The following ESYT3 variants were observed in gnomAD, a reference collection of about 807,000 sequenced individuals.
ESYT3 encodes the protein extended synaptotagmin-3.
Under a neutral mutation model 111.5 loss-of-function variants are expected in ESYT3, and 101 were observed. The observed-to-expected ratio is 0.91, with a 90% CI of 0.77 to 1.07. The LOEUF (loss-of-function observed/expected upper bound fraction) is 1.07. ESYT3 is among the 50% of genes least tolerant of loss of function. ESYT3 has a pLI of 0.00. For synonymous variants in ESYT3, 416 were observed against 446.8 expected, an observed-to-expected ratio of 0.93 and a Z score of 0.87; for missense variants, 1,097 against 1,109.4, an observed-to-expected ratio of 0.99 and a Z score of 0.16.
chr3:138,476,289 T>G lies in ESYT3; in HGVS notation c.2535T>G (p.Ser845Arg). 1 of 1,613,982 alleles carries G rather than the reference T, an allele frequency of 6.2e-7. No homozygotes were observed. Among genetic ancestry groups the G allele is most frequent in the Non-Finnish European group, 8.5e-7 (1 of 1,179,888 alleles). Reference sequence around the variant, plus strand: ...CACTAGATGTTGCAGTGAAAAATAGTAGGCCACTTGGCTCACACAGAAGAA... The same window carrying G: ...CACTAGATGTTGCAGTGAAAAATAGGAGGCCACTTGGCTCACACAGAAGAA... ...KRSLDVAVKN[S>R]RPLGSHRRKE... Residue 845 changes from serine to arginine, a missense_variant, in exon 21 of 23, where the codon AGT becomes AGG. Ser to Arg is a moderately radical substitution (Grantham distance 110, BLOSUM62 -1). Coordinates refer to ENST00000389567, the MANE Select transcript of ESYT3 (RefSeq NM_031913.5).
intron 2 of ESYT3, among the ~76,000 whole-genome samples, chr3:138,454,744 G>C (rs192804270): frequency 6.6e-6 from 1 of 152,288 alleles, no homozygotes; most frequent in Admixed American, 6.5e-5. Context: ...ATCGGGCAAA[G>C]GCTGCCTTTT....
At position 138,435,537 on chromosome 3, in the gene ESYT3, G is replaced by A. The variant is rs2030597290; in HGVS notation, c.327+412G>A. ...AACGCCGGACGCAAAACGTAGATGG[G>A]CAAATACCGCAGTGACAGAAACGGC... On this transcript the variant is annotated intron_variant, in intron 1 of 22. Coordinates refer to ENST00000389567, the MANE Select transcript of ESYT3 (RefSeq NM_031913.5). This position sits in a 1 kb window ranked among gnomAD's most constrained non-coding sequence, Gnocchi z 4.8. Among the ~76,000 whole-genome samples, 1 of 152,236 alleles carries A rather than the reference G, an allele frequency of 6.6e-6. No homozygotes were observed. The highest frequency in any genetic ancestry group is 1.5e-5 in the Non-Finnish European group (1 of 68,044).
intron 3 of ESYT3, among the ~76,000 whole-genome samples, chr3:138,456,990 C>T (rs2032314017): frequency 6.6e-6 from 1 of 152,108 alleles, no homozygotes; most frequent in South Asian, 2.1e-4. Context: ...TCCTGGCCAC[C>T]CCCCTCCCTC....
At chr3:138,458,807 AG>A (rs1452813796) in intron 4 of ESYT3, among the ~76,000 whole-genome samples, 1 of 152,156 alleles carries the variant, frequency 6.6e-6, no homozygotes, top group Non-Finnish European at 1.5e-5. Context: ...GAGATGGGAC[AG>A]GGGGACAGCA....
Position 138,435,093 on chromosome 3 carries a change from C to A in ESYT3, c.295C>A (p.Arg99Ser). 6.3e-7 allele frequency: 1 copy of A among 1,589,754 alleles called. No homozygotes were observed. Among genetic ancestry groups the A allele is most frequent in the Non-Finnish European group, 8.5e-7 (1 of 1,170,666 alleles). Reference protein sequence around the residue: ...FLDNEREFISRELRGQHLPAW... With the variant: ...FLDNEREFISSELRGQHLPAW... Reference sequence around the variant, plus strand: ...TGACAATGAACGCGAGTTCATCAGCCGCGAGCTGCGGGGCCAGCACCTGCC... The same window carrying A: ...TGACAATGAACGCGAGTTCATCAGCAGCGAGCTGCGGGGCCAGCACCTGCC... The change falls in exon 1 of 23, where the codon CGC becomes AGC. Residue 99 changes from arginine (R) to serine (S), a missense_variant. Arg to Ser is a moderately radical substitution (Grantham distance 110, BLOSUM62 -1). Coordinates refer to ENST00000389567, the MANE Select transcript of ESYT3 (RefSeq NM_031913.5). The surrounding 1 kb of genome is among the most constrained non-coding windows in gnomAD (Gnocchi z 4.8).
rs2033525511 is a variant in ESYT3 at position 138,477,204 on chromosome 3, A to C, written c.*350A>C. 1.1e-5 allele frequency: 2 copies of C among 181,424 alleles called. No homozygotes were observed. The highest frequency in any genetic ancestry group is 2.3e-5 in the Non-Finnish European group (2 of 87,342). The allele number at this position is 181,424 out of a possible 1,614,324, so 11.2% of individuals were successfully genotyped here. A position where few individuals can be genotyped will look rare whatever the true frequency, so the allele number is the denominator to read the frequency against. On this transcript the variant is annotated 3_prime_UTR_variant, in exon 23 of 23. Coordinates refer to ENST00000389567, the MANE Select transcript of ESYT3 (RefSeq NM_031913.5). The stretch of plus-strand genomic sequence containing the variant: ...TTATATACCATCTGATTTAGGACTT[A>C]CCTGAATGTATGTACCAGAAAGTGT...
At chr3:138,442,219 C>G (rs1464066075) in intron 1 of ESYT3, among the ~76,000 whole-genome samples, 7 of 151,998 alleles carry the variant, frequency 4.6e-5, no homozygotes, top group African/African-American at 1.7e-4. Context: ...AATCCCTCCA[C>G]CCAGAGATAC....
intron 6 of ESYT3, among the ~76,000 whole-genome samples, 177 bp from the exon 7 acceptor site, chr3:138,460,434 G>C (rs1288095840): frequency 1.3e-5 from 2 of 152,176 alleles, no homozygotes; most frequent in African/African-American, 4.8e-5. Context: ...AGCTGGGCTG[G>C]GGGGTGGCCT....
chr3:138,476,282 A>C lies in ESYT3; in HGVS notation c.2528A>C (p.Lys843Thr). 1 of 1,614,114 alleles carries C rather than the reference A, an allele frequency of 6.2e-7. No homozygotes were observed. Among genetic ancestry groups the C allele is most frequent in the Non-Finnish European group, 8.5e-7 (1 of 1,179,990 alleles). The stretch of plus-strand genomic sequence containing the variant: ...AAGAGGTCACTAGATGTTGCAGTGA[A>C]AAATAGTAGGCCACTTGGCTCACAC... ...VKKRSLDVAV[K>T]NSRPLGSHRR... Residue 843 changes from lysine to threonine, a missense_variant, in exon 21 of 23, where the codon AAA becomes ACA. Physicochemically the swap from Lys to Thr is moderately conservative, Grantham distance 78. Coordinates refer to ENST00000389567, the MANE Select transcript of ESYT3 (RefSeq NM_031913.5).
intron 2 of ESYT3, 53 bp downstream of exon 2, chr3:138,452,142 C>G: frequency 1.9e-6 from 3 of 1,574,156 alleles, no homozygotes; most frequent in South Asian, 1.1e-5. Context: ...GCCTCGTCCT[C>G]CCCGCGGCTG....
At chr3:138,445,552 T>C (rs766816512) in intron 1 of ESYT3, among the ~76,000 whole-genome samples, 46 of 152,248 alleles carry the variant, frequency 3.0e-4, no homozygotes, top group Non-Finnish European at 5.7e-4. Flanking sequence ...CCTCATTCTC[T>C]GTTCTCGCCT....
intron 1 of ESYT3, among the ~76,000 whole-genome samples, chr3:138,437,259 G>GGGTCTA (rs1430240966): frequency 6.6e-6 from 1 of 152,154 alleles, no homozygotes; most frequent in Non-Finnish European, 1.5e-5. Flanking sequence ...TCAGGTAGAA[G>GGGTCTA]GCCTGGTATG....
intron 21 of ESYT3, 51 bp downstream of exon 21, chr3:138,476,379 T>A: frequency 6.2e-7 from 1 of 1,602,104 alleles, no homozygotes; most frequent in Non-Finnish European, 8.6e-7. Flanking sequence ...TCAATTCGCC[T>A]TATCCCAATT....
intron 1 of ESYT3, among the ~76,000 whole-genome samples, chr3:138,448,729 G>A (rs2031726942): frequency 6.6e-6 from 1 of 152,220 alleles, no homozygotes; most frequent in African/African-American, 2.4e-5. Flanking sequence ...CACTGAGGAT[G>A]AGTCATTGCT....
chr3:138,449,423 T>G (rs61532973), intron 1 of ESYT3, among the ~76,000 whole-genome samples: 2,481 of 152,226 alleles, frequency 0.016, 69 homozygotes, highest in African/African-American at 0.056. Context: ...TGGGTCACCC[T>G]GAGGCAAGGG....
rs1235900620 is a variant in ESYT3 at position 138,435,086 on chromosome 3, C to T, written c.288C>T (p.Phe96=). ...AATTCCTTGACAATGAACGCGAGTT[C>T]ATCAGCCGCGAGCTGCGGGGCCAGC... ...AFEFLDNERE[F]ISRELRGQHL... The change falls in exon 1 of 23, where the codon TTC becomes TTT. Residue 96 remains phenylalanine, a synonymous_variant. Transcript: ENST00000389567. This position sits in a 1 kb window ranked among gnomAD's most constrained non-coding sequence, Gnocchi z 4.8. 6.3e-7 allele frequency: 1 copy of T among 1,591,472 alleles called. No individual in the cohort carries two copies. The highest frequency in any genetic ancestry group is 1.1e-5 in the South Asian group (1 of 87,594).
chr3:138,459,035 G>T, intron 4 of ESYT3, 152 bp from the exon 5 acceptor site: 1 of 529,850 alleles, frequency 1.9e-6, no homozygotes. Context: ...GAAAGGCTGA[G>T]GCTACTAGGC....
rs1433343134 is a variant in ESYT3, at chr3:138,470,062, C to G, written c.1506C>G (p.Thr502=). Residue 502 remains threonine (T), a splice_region_variant and synonymous_variant, in exon 16 of 23, where the codon ACC becomes ACG. Coordinates refer to ENST00000389567, the MANE Select transcript of ESYT3 (RefSeq NM_031913.5). ...SVGKKTHTSK[T]CPHNKDPVWS... ...ATCTCTCCCTCTTCTGTTCCCAGAC[C>G]TGTCCCCACAACAAGGACCCTGTGT... The G allele has an allele frequency of 5.6e-6, 9 of 1,612,304 alleles. No homozygotes were observed. The highest frequency in any genetic ancestry group is 1.3e-5 in the African/African-American group (1 of 74,978).
Position 138,446,807 on chromosome 3 carries a change from C to T in ESYT3, c.328-5241C>T, listed in dbSNP as rs891222764. Among the ~76,000 whole-genome samples the T allele has an allele frequency of 4.6e-5, 7 of 152,216 alleles. No individual in the cohort carries two copies. The East Asian group carries it at 1.4e-3, about 29-fold the overall frequency. On this transcript the variant is annotated intron_variant, in intron 1 of 22. Transcript: ENST00000389567. ...TAGGGAGGCCAAGGCAGGCGGATAG[C>T]TTGAGCCCAGGAGTTTGAGACTAGC... is the stretch of plus-strand genomic sequence containing the variant.
Sources: gnomAD v4.1 joint callset for allele counts (sites outside exome capture counted in the v4.1 genomes callset) on GRCh38, gnomAD v4.1.1 for gene constraint, Gnocchi (gnomAD v3.1) non-coding constraint, MANE v1.5 for transcripts, NCBI Gene and HGNC (gene_info 2026-07-23, HGNC 2026-07-21) for gene names.